Variants in EFHB observed in about 807,000 individuals in gnomAD.
EFHB encodes EF-hand domain family member B, also known as EF-hand domain-containing family member B.
A neutral mutation model predicts 87.2 loss-of-function variants in EFHB; 91 were observed. The observed-to-expected ratio is 1.04, with a 90% CI of 0.88 to 1.24. EFHB has a LOEUF of 1.24. EFHB is among the 50% of genes most tolerant of loss of function. The pLI is 0.00. For synonymous variants in EFHB, 325 were observed against 333.6 expected, an observed-to-expected ratio of 0.97 and a Z score of 0.28; for missense variants, 1,084 against 998.8, an observed-to-expected ratio of 1.09 and a Z score of -1.15.
rs775847577 is a variant in EFHB, at chr3:19,918,347, T to C, written c.1062A>G (p.Glu354=). 2.5e-5 allele frequency: 41 copies of C among 1,612,178 alleles called. No individual in the cohort carries two copies. Among genetic ancestry groups the C allele is most frequent in the Middle Eastern group, 1.7e-4 (1 of 6,054 alleles). ...CTCGTCGATTGCTAAGATATATAGATTCTTTTTTATCTTTAATTTTCTGTT... is the reference window on the plus strand; with the variant it reads ...CTCGTCGATTGCTAAGATATATAGACTCTTTTTTATCTTTAATTTTCTGTT... The part of the protein sequence containing the change: ...TFQQKIKDKK[E]SIYLSNRRAP... The change falls in exon 4 of 13, where the codon GAA becomes GAG. Residue 354 remains glutamate (E), a synonymous_variant. Transcript: ENST00000295824.
chr3:19,901,042 T>C (rs1044985723), intron 6 of EFHB, among the ~76,000 whole-genome samples: 3 of 152,222 alleles, frequency 2.0e-5, no homozygotes, highest in African/African-American at 7.2e-5. Context: ...AATTAAATTC[T>C]GTCACATCAA....
intron 1 of EFHB, among the ~76,000 whole-genome samples, chr3:19,925,654 C>T (rs1246338728): frequency 6.6e-6 from 1 of 152,184 alleles, no homozygotes; most frequent in Non-Finnish European, 1.5e-5. Context: ...GCCACCTCCT[C>T]ACTCAACCCC....
intron 1 of EFHB, among the ~76,000 whole-genome samples, chr3:19,923,814 T>C (rs1695522095): frequency 6.6e-6 from 1 of 152,258 alleles, no homozygotes; most frequent in Admixed American, 6.5e-5. Context: ...ATATAAGATG[T>C]TGCATTTATT....
At chr3:19,929,020 A>T (rs1019264536) in intron 1 of EFHB, among the ~76,000 whole-genome samples, 17 of 152,190 alleles carry the variant, frequency 1.1e-4, no homozygotes, top group African/African-American at 3.6e-4. Flanking sequence ...CAATCTAATT[A>T]TAAGTTAAAG....
rs1696151511 is a variant in EFHB at position 19,941,289 on chromosome 3, A to G, written c.-31-4955T>C. On this transcript the variant is annotated intron_variant, in intron 1 of 14. Transcript: ENST00000344838. ...CAGTTCTTCAAATAGGGCATGTGTA[A>G]GAGGTATAGACATTGATTCATTCAT... The G allele has an allele frequency of 3.9e-5, 10 of 257,674 alleles. No homozygotes were observed. The South Asian group carries it at 4.1e-4, about 11-fold the overall frequency. The allele number at this position is 257,674 out of a possible 1,614,324, so 16.0% of individuals were successfully genotyped here.
At chr3:19,905,088 C>A (rs1489893295) in intron 6 of EFHB, among the ~76,000 whole-genome samples, 1 of 152,140 alleles carries the variant, frequency 6.6e-6, no homozygotes, top group East Asian at 1.9e-4. Context: ...TTCAACAAAG[C>A]TGAATAACAA....
At chr3:19,937,447 A>G (rs1389696208), upstream of EFHB, among the ~76,000 whole-genome samples, 1 of 152,190 alleles carries the variant, frequency 6.6e-6, no homozygotes, top group African/African-American at 2.4e-5. Flanking sequence ...TATTCTGAAG[A>G]CAAAGCTAAC....
chr3:19,935,450 A>G (rs1396583290), upstream of EFHB, among the ~76,000 whole-genome samples: 1 of 152,032 alleles, frequency 6.6e-6, no homozygotes, highest in Non-Finnish European at 1.5e-5. Flanking sequence ...AGTGGCTCAC[A>G]CCTTTAATCC....
At chr3:19,903,896 T>TAA (rs1014383734) in intron 6 of EFHB, among the ~76,000 whole-genome samples, 2 of 152,194 alleles carry the variant, frequency 1.3e-5, no homozygotes, top group South Asian at 2.1e-4. Context: ...GCAAATGATT[T>TAA]AACCCCTCTG....
chr3:19,920,473 T>C, intron 2 of EFHB, 32 bp downstream of exon 2: 1 of 1,561,458 alleles, frequency 6.4e-7, no homozygotes, highest in Non-Finnish European at 8.7e-7. Flanking sequence ...AAGGTAAAAA[T>C]AGAAATATAA....
intron 12 of EFHB, among the ~76,000 whole-genome samples, chr3:19,880,396 T>A (rs1039364646): frequency 5.9e-5 from 9 of 151,946 alleles, no homozygotes; most frequent in African/African-American, 2.2e-4. Context: ...ATTACAGGTG[T>A]GTGCCACCAC....
At chr3:19,932,807 G>A (rs1695874284) in intron 1 of EFHB, among the ~76,000 whole-genome samples, 1 of 152,196 alleles carries the variant, frequency 6.6e-6, no homozygotes, top group African/African-American at 2.4e-5. Flanking sequence ...CCTGTACCTG[G>A]CACAATGGCT....
intron 5 of EFHB, among the ~76,000 whole-genome samples, chr3:19,908,602 A>AGAGAGAGAGAGAGAGAGAGAGAGAG (rs1559459816): frequency 1.7e-4 from 13 of 77,356 alleles, no homozygotes; most frequent in East Asian, 6.2e-4. Flanking sequence ...GAGAGAGAGA[A>AGAGAGAGAGAGAGAGAGAGAGAGAG]AGAAAGAAAG....
chr3:19,892,478 G>A (rs150369055), intron 9 of EFHB, among the ~76,000 whole-genome samples: 9 of 152,274 alleles, frequency 5.9e-5, no homozygotes, highest in African/African-American at 2.2e-4. Flanking sequence ...GAAAATTGGT[G>A]TTACTTCCAT....
At chr3:19,880,509 C>T (rs1419934959) in intron 12 of EFHB, among the ~76,000 whole-genome samples, 1 of 152,144 alleles carries the variant, frequency 6.6e-6, no homozygotes. Flanking sequence ...ATCTCGGCCT[C>T]CCAAAGTGCT....
rs756044178 is a variant in EFHB, at chr3:19,918,410, T to G, written c.999A>C (p.Ala333=). 1.9e-6 allele frequency: 3 copies of G among 1,583,620 alleles called. No homozygotes were observed. The African/African-American group carries it at 4.1e-5, about 22-fold the overall frequency. Residue 333 remains alanine (A), a splice_region_variant and synonymous_variant, in exon 4 of 13, where the codon GCA becomes GCC. Coordinates refer to ENST00000295824, the MANE Select transcript of EFHB (RefSeq NM_144715.4). ...TAGGCTGTGGGTTTATCAATGTGTT[T>G]GCCTAAAGAAATCATACAATGCACA... ...HGIRSKISVL[A]NTLINPQPIT...
chr3:19,924,448 G>A (rs1177615237), intron 1 of EFHB, among the ~76,000 whole-genome samples: 4 of 151,990 alleles, frequency 2.6e-5, no homozygotes, highest in African/African-American at 7.2e-5. Flanking sequence ...TCCTGACCTC[G>A]TGATCCTCCC....
intron 8 of EFHB, among the ~76,000 whole-genome samples, chr3:19,897,855 A>T (rs1277661153): frequency 6.6e-6 from 1 of 152,220 alleles, no homozygotes; most frequent in Non-Finnish European, 1.5e-5. Context: ...GTAATTAATG[A>T]TGCTCCAAAC....
rs776666373 is a variant in EFHB, at chr3:19,899,587, G to A, written c.1419-72C>T. On this transcript the variant is annotated intron_variant, in intron 6 of 12. Transcript: ENST00000295824. ...CTTGGCTGCCAAATATACATAAGGC[G>A]AAGAATACCATAGTATCATTAGGCC... 3.9e-4 allele frequency: 424 copies of A among 1,080,824 alleles called. 1 individual carries two copies. Among genetic ancestry groups the A allele is most frequent in the Non-Finnish European group, 5.0e-4 (377 of 760,526 alleles). 67.0% of individuals were successfully genotyped at this position (1,080,824 alleles called of 1,614,324 possible).
Sources: allele counts gnomAD v4.1 joint callset (sites outside exome capture counted in the v4.1 genomes callset), GRCh38; gene constraint gnomAD v4.1.1; transcripts MANE v1.5; gene names NCBI Gene and HGNC (gene_info 2026-07-23, HGNC 2026-07-21).